Variants in CADM2 observed in about 807,000 individuals in gnomAD.
CADM2 encodes cell adhesion molecule 2.
CADM2 carries 12 observed loss-of-function variants against 49.8 expected under a neutral mutation model. That is an observed-to-expected ratio of 0.24 (90% CI 0.15 to 0.39). CADM2 has a LOEUF of 0.39. CADM2 is among the 10% of genes least tolerant of loss of function. CADM2 has a pLI of 1.00. For synonymous variants in CADM2, 214 were observed against 175.4 expected, an observed-to-expected ratio of 1.22 and a Z score of -1.74; for missense variants, 378 against 492.3, an observed-to-expected ratio of 0.77 and a Z score of 2.20.
intron 1 of CADM2, among the ~76,000 whole-genome samples, chr3:85,258,186 T>A (rs1369951849): frequency 2.0e-5 from 3 of 152,116 alleles, no homozygotes; most frequent in Admixed American, 6.6e-5. Flanking sequence ...CTCAGATATT[T>A]AGAGGCTGGA....
intron 3 of CADM2, among the ~76,000 whole-genome samples, chr3:85,802,931 T>G (rs903008436): frequency 9.2e-5 from 14 of 152,012 alleles, no homozygotes; most frequent in African/African-American, 3.4e-4. Flanking sequence ...TACATGTATA[T>G]TATATAGGAT....
chr3:85,943,012 T>G (rs2108560089), intron 7 of CADM2, among the ~76,000 whole-genome samples: 1 of 152,274 alleles, frequency 6.6e-6, no homozygotes, highest in South Asian at 2.1e-4. Context: ...TCCTGACTTT[T>G]TAATGATTCC....
intron 1 of CADM2, among the ~76,000 whole-genome samples, chr3:85,522,042 G>T (rs902333991): frequency 6.6e-6 from 1 of 151,996 alleles, no homozygotes; most frequent in African/African-American, 2.4e-5. Flanking sequence ...TAATGTCAAA[G>T]ACAGTATTTA....
At chr3:85,114,577 G>A (rs1029144443) in intron 1 of CADM2, among the ~76,000 whole-genome samples, 5 of 152,216 alleles carry the variant, frequency 3.3e-5, no homozygotes, top group African/African-American at 1.2e-4. Context: ...TGATATATTG[G>A]CTATTTCATT....
At chr3:85,099,574 A>C (rs1044539601) in intron 1 of CADM2, among the ~76,000 whole-genome samples, 3 of 152,036 alleles carry the variant, frequency 2.0e-5, no homozygotes, top group African/African-American at 7.3e-5. Flanking sequence ...GGTTCAAGCA[A>C]TTCTCCTGCA....
chr3:85,264,180 T>C (rs577056351), intron 1 of CADM2, among the ~76,000 whole-genome samples: 7 of 152,120 alleles, frequency 4.6e-5, no homozygotes, highest in Non-Finnish European at 8.8e-5. Context: ...CTGTAAAAGC[T>C]CAGCACAGAC....
At chr3:85,372,869 T>G (rs2033351832) in intron 1 of CADM2, among the ~76,000 whole-genome samples, 1 of 152,082 alleles carries the variant, frequency 6.6e-6, no homozygotes, top group Non-Finnish European at 1.5e-5. Context: ...TCATGAGACT[T>G]ATTTACTATC....
chr3:85,018,995 A>G (rs62250601), intron 1 of CADM2, among the ~76,000 whole-genome samples: 12,225 of 152,216 alleles, frequency 0.08, 699 homozygotes, highest in Admixed American at 0.19. Flanking sequence ...GGTACATAAC[A>G]TAGTCAACTA....
intron 1 of CADM2, among the ~76,000 whole-genome samples, chr3:85,568,113 A>G (rs1169432221): frequency 2.6e-5 from 4 of 152,188 alleles, no homozygotes; most frequent in African/African-American, 9.7e-5. Context: ...CTTACCAGCT[A>G]TCTATGTATC....
chr3:85,823,933 C>T (rs892039169), intron 3 of CADM2, among the ~76,000 whole-genome samples: 3 of 151,898 alleles, frequency 2.0e-5, no homozygotes, highest in East Asian at 1.9e-4. Flanking sequence ...ACAGCCCATC[C>T]GCGAGATTAG....
chr3:85,906,545 G>T (rs1716836505), intron 5 of CADM2, among the ~76,000 whole-genome samples: 1 of 152,090 alleles, frequency 6.6e-6, no homozygotes, highest in Non-Finnish European at 1.5e-5. Flanking sequence ...CATACCTGTA[G>T]AGTCAGTTAA....
intron 1 of CADM2, among the ~76,000 whole-genome samples, chr3:85,034,616 G>A (rs1160709747): frequency 6.6e-6 from 1 of 151,796 alleles, no homozygotes; most frequent in African/African-American, 2.4e-5. Context: ...CCTACCAGTG[G>A]GACTGCTGGA....
intron 1 of CADM2, among the ~76,000 whole-genome samples, chr3:85,477,244 A>ACG: frequency 1.7e-4 from 1 of 5,738 alleles, no homozygotes; most frequent in South Asian, 6.1e-3. Context: ...ATTCCCTTAA[A>ACG]CACACACACA....
intron 1 of CADM2, among the ~76,000 whole-genome samples, chr3:85,514,663 A>G (rs1360026639): frequency 3.3e-5 from 5 of 152,136 alleles, no homozygotes; most frequent in South Asian, 2.1e-4. Context: ...CTATGCAAAT[A>G]TGAACAATTT....
intron 1 of CADM2, among the ~76,000 whole-genome samples, chr3:85,162,523 G>C (rs1413020527): frequency 6.6e-6 from 1 of 151,616 alleles, no homozygotes; most frequent in African/African-American, 2.4e-5. Flanking sequence ...CATTTTTCAA[G>C]TTTCAAAAGT....
intron 1 of CADM2, among the ~76,000 whole-genome samples, chr3:85,531,906 G>A (rs942321431): frequency 2.6e-5 from 4 of 151,900 alleles, no homozygotes; most frequent in African/African-American, 4.8e-5. Flanking sequence ...GTCCAGGTGC[G>A]GTGGCTCACG....
At chr3:85,358,947 C>G (rs1205803360) in intron 1 of CADM2, among the ~76,000 whole-genome samples, 1 of 152,136 alleles carries the variant, frequency 6.6e-6, no homozygotes, top group Admixed American at 6.6e-5. Flanking sequence ...CAGGTTAGCA[C>G]TTGGTCATTT....
chr3:85,610,311 C>T (rs999443501), intron 1 of CADM2, among the ~76,000 whole-genome samples: 1 of 151,766 alleles, frequency 6.6e-6, no homozygotes, highest in Non-Finnish European at 1.5e-5. Flanking sequence ...AATACCTATG[C>T]TTTTTAATAT....
chr3:85,389,156 G>T (rs1390742872), intron 1 of CADM2, among the ~76,000 whole-genome samples: 4 of 152,100 alleles, frequency 2.6e-5, no homozygotes, highest in African/African-American at 9.7e-5. Flanking sequence ...GCGCCATAGA[G>T]TAATTGAATA....
Sources: allele counts gnomAD v4.1 joint callset (sites outside exome capture counted in the v4.1 genomes callset), GRCh38; gene constraint gnomAD v4.1.1; transcripts MANE v1.5; gene names NCBI Gene and HGNC (gene_info 2026-07-23, HGNC 2026-07-21).